KLKB1: variants seen among roughly 807,000 people sequenced by gnomAD.
KLKB1 encodes the protein kallikrein B1.
In KLKB1, 58 loss-of-function variants were observed where a neutral mutation model predicts 73.6. That is an observed-to-expected ratio of 0.79 (90% CI 0.64 to 0.98). The LOEUF (loss-of-function observed/expected upper bound fraction) is 0.98. Ranked by LOEUF, KLKB1 falls within the 50% of genes least tolerant of loss-of-function variation. The pLI is 0.00. For synonymous variants in KLKB1, 280 were observed against 258.1 expected, an observed-to-expected ratio of 1.08 and a Z score of -0.81; for missense variants, 737 against 763.8, an observed-to-expected ratio of 0.96 and a Z score of 0.41.
In KLKB1 at chr4:186,251,593, G is replaced by A. The variant is rs897685515; in HGVS notation, c.975G>A (p.Met325Ile). 1 of 1,614,126 alleles carries A rather than the reference G, an allele frequency of 6.2e-7. No homozygotes were observed. The highest frequency in any genetic ancestry group is 1.3e-5 in the African/African-American group (1 of 75,044). ...VNVCQETCTK[M>I]IRCQFFTYSL... is the part of the protein sequence containing the mutation. The stretch of plus-strand genomic sequence containing the variant: ...TTTGCCAAGAGACTTGCACAAAGAT[G>A]ATTCGCTGTCAGTTTTTCACTTATT... The change falls in exon 9 of 15, where the codon ATG (methionine) becomes ATA (isoleucine). Residue 325 changes from methionine (M) to isoleucine (I), a missense_variant. Transcript: ENST00000264690.
upstream of KLKB1, among the ~76,000 whole-genome samples, chr4:186,223,693 A>G (rs1312480757): frequency 5.3e-5 from 8 of 152,238 alleles, no homozygotes; most frequent in African/African-American, 1.2e-4. Context: ...ATGGTATGAA[A>G]TTGGAACTTA....
chr4:186,254,777 G>T lies in KLKB1; in HGVS notation c.1489+14G>T. 6.2e-7 allele frequency: 1 copy of T among 1,605,814 alleles called. No homozygotes were observed. Among genetic ancestry groups the T allele is most frequent in the Non-Finnish European group, 8.5e-7 (1 of 1,172,602 alleles). Reference sequence around the variant, plus strand: ...TGAATTACACTGGTATGTAGCATATGTAAGAAGGTGGAGAGCAGAATTGCG... The same window carrying T: ...TGAATTACACTGGTATGTAGCATATTTAAGAAGGTGGAGAGCAGAATTGCG... On this transcript the variant is annotated intron_variant, in intron 12 of 14. Transcript: ENST00000264690.
intron 2 of KLKB1, chr4:186,210,886 G>C (rs1014774397): frequency 2.3e-6 from 1 of 428,272 alleles, no homozygotes; most frequent in African/African-American, 2.0e-5. Context: ...CAGGCTGGAG[G>C]AGTGCAGTGG....
At chr4:186,242,358 G>A (rs970386904) in intron 6 of KLKB1, among the ~76,000 whole-genome samples, 1 of 152,118 alleles carries the variant, frequency 6.6e-6, no homozygotes, top group African/African-American at 2.4e-5. Context: ...AAAAGAAAAC[G>A]AAATAGTGGT....
intron 2 of KLKB1, among the ~76,000 whole-genome samples, chr4:186,214,029 C>T (rs1736819761): frequency 6.6e-6 from 1 of 152,174 alleles, no homozygotes; most frequent in South Asian, 2.1e-4. Flanking sequence ...ACTTTCTCAA[C>T]CTTTGTTGAG....
At chr4:186,212,665 T>C (rs1484655576) in intron 2 of KLKB1, 1 of 152,250 alleles carries the variant, frequency 6.6e-6, no homozygotes, top group African/African-American at 2.4e-5. Context: ...TTATCTGTTA[T>C]GCTCCTGATA....
At chr4:186,253,641 T>C (rs1362487633) in intron 11 of KLKB1, among the ~76,000 whole-genome samples, 1 of 78,974 alleles carries the variant, frequency 1.3e-5, no homozygotes, top group Non-Finnish European at 2.8e-5. Context: ...GATATCTCCA[T>C]CATTTTTCTA....
upstream of KLKB1, among the ~76,000 whole-genome samples, chr4:186,226,775 C>T (rs1737182732): frequency 6.6e-6 from 1 of 152,164 alleles, no homozygotes; most frequent in African/African-American, 2.4e-5. Context: ...TGGAGGCTGA[C>T]CTGGTGCTGG....
At chr4:186,248,384 T>C (rs1202592971) in intron 6 of KLKB1, among the ~76,000 whole-genome samples, 1 of 152,176 alleles carries the variant, frequency 6.6e-6, no homozygotes, top group African/African-American at 2.4e-5. Flanking sequence ...TCTGTGGACT[T>C]GACTCTTCGG....
chr4:186,232,188 C>T lies in KLKB1; in HGVS notation c.120C>T (p.Tyr40=). Residue 40 remains tyrosine, a synonymous_variant, in exon 3 of 15, where the codon TAC becomes TAT. Transcript: ENST00000264690. The part of the protein sequence containing the change: ...FFRGGDVASM[Y]TPNAQYCQMR... Reference sequence around the variant, plus strand: ...GAGGTGGGGATGTAGCTTCCATGTACACCCCAAATGCCCAATACTGCCAGA... The same window carrying T: ...GAGGTGGGGATGTAGCTTCCATGTATACCCCAAATGCCCAATACTGCCAGA... 3.1e-6 allele frequency: 5 copies of T among 1,613,682 alleles called. No homozygotes were observed. The highest frequency in any genetic ancestry group is 1.3e-5 in the African/African-American group (1 of 75,030).
At chr4:186,250,713 G>A (rs1317283846) in intron 7 of KLKB1, among the ~76,000 whole-genome samples, 5 of 152,162 alleles carry the variant, frequency 3.3e-5, no homozygotes, top group Non-Finnish European at 5.9e-5. Flanking sequence ...TTCATGTTTT[G>A]TATTAGCTTG....
rs191548519 is a variant in KLKB1, at chr4:186,238,718, A to G, written c.598+353A>G. On this transcript the variant is annotated intron_variant, in intron 6 of 14. Transcript: ENST00000264690. ...TCTAGAAGTTGAAAAGGGCGAGGAA[A>G]GAGTTTCCCTGTGGAGCGTCCTGGA... is the stretch of plus-strand genomic sequence containing the variant. 3.9e-5 allele frequency among the ~76,000 whole-genome samples: 6 copies of G among 152,344 alleles called. No homozygotes were observed. In the East Asian group the frequency reaches 9.6e-4, roughly 24 times the overall value.
chr4:186,257,943 C>T (rs1227469298), intron 14 of KLKB1, 78 bp from the exon 15 acceptor site: 3 of 1,291,396 alleles, frequency 2.3e-6, no homozygotes, highest in Non-Finnish European at 3.4e-6. Context: ...TAGTGGACTA[C>T]AGAACTTTAG....
chr4:186,234,025 C>T lies in KLKB1; in HGVS notation c.295C>T (p.His99Tyr), dbSNP rs755213449. The change falls in exon 4 of 15, where the codon CAT becomes TAT. Residue 99 changes from histidine to tyrosine, a missense_variant. Physicochemically the swap from His to Tyr is moderately conservative, Grantham distance 83. Coordinates refer to ENST00000264690, the MANE Select transcript of KLKB1 (RefSeq NM_000892.5). Reference sequence around the variant, plus strand: ...ACATCGAACAGGTGCAGTTTCTGGACATTCCTTGAAGCAATGTGGTCATCA... The same window carrying T: ...ACATCGAACAGGTGCAGTTTCTGGATATTCCTTGAAGCAATGTGGTCATCA... ...KVHRTGAVSGHSLKQCGHQIS... is the reference protein window; with the variant it reads ...KVHRTGAVSGYSLKQCGHQIS... 1.2e-6 allele frequency: 2 copies of T among 1,613,908 alleles called. No homozygotes were observed. Among genetic ancestry groups the T allele is most frequent in the Non-Finnish European group, 1.7e-6 (2 of 1,179,798 alleles).
chr4:186,224,180 G>C (rs1449122836), upstream of KLKB1, among the ~76,000 whole-genome samples: 1 of 152,250 alleles, frequency 6.6e-6, no homozygotes. Context: ...TGTCCAGGCA[G>C]AAGCCTGCTG....
At position 186,240,900 on chromosome 4, in the gene KLKB1, C is replaced by G. The variant is rs550572667; in HGVS notation, c.598+2535C>G. Among the ~76,000 whole-genome samples the G allele has an allele frequency of 5.3e-5, 8 of 152,312 alleles. No homozygotes were observed. In the East Asian group the frequency reaches 1.5e-3, roughly 29 times the overall value. The stretch of plus-strand genomic sequence containing the variant: ...CCTGTTGCTGGAAGGATTTGCTGCA[C>G]TTACCCAGGGAACAGGCAAGCTCGT... On this transcript the variant is annotated intron_variant, in intron 6 of 14. Coordinates refer to ENST00000264690, the MANE Select transcript of KLKB1 (RefSeq NM_000892.5).
intron 6 of KLKB1, among the ~76,000 whole-genome samples, chr4:186,245,549 T>C (rs547150638): frequency 6.6e-6 from 1 of 152,286 alleles, no homozygotes; most frequent in East Asian, 1.9e-4. Flanking sequence ...CTTGGCCCAT[T>C]GGCCAGATTT....
chr4:186,241,958 T>C (rs932219977), intron 6 of KLKB1, among the ~76,000 whole-genome samples: 2 of 152,206 alleles, frequency 1.3e-5, no homozygotes, highest in African/African-American at 4.8e-5. Flanking sequence ...ATATTTAATG[T>C]CATGTGCGTC....
chr4:186,231,853 G>A (rs1737410521), intron 2 of KLKB1, among the ~76,000 whole-genome samples: 1 of 152,084 alleles, frequency 6.6e-6, no homozygotes, highest in South Asian at 2.1e-4. Flanking sequence ...ACTAAGTTAG[G>A]ATTTTATTTT....
Sources: gnomAD v4.1 joint callset for allele counts (sites outside exome capture counted in the v4.1 genomes callset) on GRCh38, gnomAD v4.1.1 for gene constraint, MANE v1.5 for transcripts, NCBI Gene and HGNC (gene_info 2026-07-23, HGNC 2026-07-21) for gene names.